The following ZNF251 variants were observed in gnomAD, a reference collection of about 807,000 sequenced individuals.
ZNF251 encodes the protein zinc finger protein 251.
In ZNF251, 14 loss-of-function variants were observed where a neutral mutation model predicts 13.5. That is an observed-to-expected ratio of 1.04 (90% CI 0.69 to 1.63). The LOEUF is 1.63. ZNF251 is among the 40% of genes most tolerant of loss of function. The pLI, the probability that ZNF251 is intolerant of heterozygous loss-of-function variation, is 0.00. For missense variants in ZNF251, 764 were observed against 834.9 expected, an observed-to-expected ratio of 0.92 and a Z score of 1.05; for synonymous variants, 287 against 295.2, an observed-to-expected ratio of 0.97 and a Z score of 0.28.
chr8:144,732,485 G>C (rs1389957879), intron 4 of ZNF251, among the ~76,000 whole-genome samples: 1 of 152,194 alleles, frequency 6.6e-6, no homozygotes, highest in Non-Finnish European at 1.5e-5. Flanking sequence ...ACGATTGACA[G>C]GTCATGGTAA....
At chr8:144,746,875 G>A (rs959605047) in intron 4 of ZNF251, among the ~76,000 whole-genome samples, 6 of 151,934 alleles carry the variant, frequency 3.9e-5, no homozygotes, top group African/African-American at 1.4e-4. Context: ...GTCTTAGTCT[G>A]GCTAAAGGTT....
intron 1 of ZNF251, 196 bp from the exon 2 acceptor site, chr8:144,754,999 A>T: frequency 7.2e-7 from 1 of 1,392,980 alleles, no homozygotes; most frequent in Non-Finnish European, 9.3e-7. Flanking sequence ...GGGGGGATCC[A>T]GGGACGCCCG....
chr8:144,754,067 A>C (rs1340368816), intron 3 of ZNF251, 125 bp downstream of exon 3: 2 of 1,348,064 alleles, frequency 1.5e-6, no homozygotes, highest in South Asian at 1.5e-5. Context: ...CCTTCTGTAG[A>C]GATCAGACTG....
At chr8:144,730,155 G>A (rs1430339518) in intron 4 of ZNF251, 2 of 977,426 alleles carry the variant, frequency 2.0e-6, no homozygotes, top group Non-Finnish European at 2.4e-6. Flanking sequence ...CAGGGAAGTG[G>A]AGAGCCATGT....
chr8:144,733,104 C>A (rs1055972747), intron 4 of ZNF251, among the ~76,000 whole-genome samples: 42 of 151,270 alleles, frequency 2.8e-4, no homozygotes, highest in African/African-American at 1.0e-3. Flanking sequence ...TGCCTGTAGT[C>A]CCAGGTACAC....
intron 4 of ZNF251, among the ~76,000 whole-genome samples, chr8:144,725,001 TTTTC>T (rs1393128943): frequency 2.8e-5 from 4 of 143,884 alleles, no homozygotes; most frequent in Admixed American, 1.4e-4. Flanking sequence ...CCACCACCTT[TTTTC>T]TTTCTTTCTT....
At chr8:144,724,308 C>T (rs1040365771) in intron 4 of ZNF251, among the ~76,000 whole-genome samples, 6 of 151,114 alleles carry the variant, frequency 4.0e-5, no homozygotes, top group African/African-American at 1.5e-4. Context: ...ACAATCATGC[C>T]GTGTACTGTT....
rs1356552303 is a variant in ZNF251, at chr8:144,722,271, G to A, written c.1389C>T (p.Cys463=). Reference sequence around the variant, plus strand: ...GGCTGAAAGCTTTCCCACATTCAACGCACTGGTAGGGCTTCTCCCCAGTGT... The same window carrying A: ...GGCTGAAAGCTTTCCCACATTCAACACACTGGTAGGGCTTCTCCCCAGTGT... ...RVHTGEKPYQ[C]VECGKAFSQS... Residue 463 remains cysteine, a synonymous_variant, in exon 5 of 5, where the codon TGC becomes TGT. Coordinates refer to ENST00000292562, the MANE Select transcript of ZNF251 (RefSeq NM_138367.2). This position sits in a 1 kb window ranked among gnomAD's most constrained non-coding sequence, Gnocchi z 4.8. 13 of 1,613,304 alleles carry A rather than the reference G, an allele frequency of 8.1e-6. No homozygotes were observed. Among genetic ancestry groups the A allele is most frequent in the African/African-American group, 2.7e-5 (2 of 74,692 alleles).
chr8:144,735,653 G>A (rs745698204), intron 4 of ZNF251, among the ~76,000 whole-genome samples: 25 of 152,262 alleles, frequency 1.6e-4, no homozygotes, highest in South Asian at 6.2e-4. Context: ...CCTCCGTGCC[G>A]TGGATACTCA....
intron 3 of ZNF251, 37 bp downstream of exon 3, chr8:144,754,155 C>G (rs776908872): frequency 1.3e-6 from 2 of 1,595,934 alleles, no homozygotes. Flanking sequence ...CCTCAGAGGC[C>G]CCCACTGCGA....
chr8:144,742,730 T>A (rs991694728), intron 4 of ZNF251, among the ~76,000 whole-genome samples: 1 of 152,196 alleles, frequency 6.6e-6, no homozygotes, highest in African/African-American at 2.4e-5. Context: ...TAGTGTTGCC[T>A]CATCCAGAAT....
At chr8:144,743,156 C>T (rs546946366) in intron 4 of ZNF251, among the ~76,000 whole-genome samples, 17 of 152,298 alleles carry the variant, frequency 1.1e-4, no homozygotes, top group East Asian at 7.7e-4. Flanking sequence ...CTCCGCCTCC[C>T]GGGTTCAAGT....
intron 4 of ZNF251, among the ~76,000 whole-genome samples, chr8:144,747,906 C>A (rs559842396): frequency 6.6e-6 from 1 of 151,858 alleles, no homozygotes; most frequent in South Asian, 2.1e-4. Context: ...GCCACCGTGT[C>A]CAGCTGGTTT....
intron 4 of ZNF251, among the ~76,000 whole-genome samples, chr8:144,740,925 C>T (rs1260974640): frequency 6.6e-6 from 1 of 151,682 alleles, no homozygotes; most frequent in Middle Eastern, 3.2e-3. Flanking sequence ...AAGAGCGAAA[C>T]TCCGTCTCAA....
intron 4 of ZNF251, among the ~76,000 whole-genome samples, chr8:144,729,615 C>A (rs1031354902): frequency 6.6e-6 from 1 of 152,074 alleles, no homozygotes; most frequent in African/African-American, 2.4e-5. Flanking sequence ...GGATCACAGG[C>A]GTGAGCTACC....
In ZNF251 at chr8:144,755,480, C is replaced by T. The variant is rs1045522912; in HGVS notation, c.-151G>A. 12 of 1,287,316 alleles carry T rather than the reference C, an allele frequency of 9.3e-6. No homozygotes were observed. The Admixed American group carries it at 1.6e-4, about 17-fold the overall frequency. The allele number at this position is 1,287,316 out of a possible 1,614,324, so 79.7% of individuals were successfully genotyped here. A position where few individuals can be genotyped will look rare whatever the true frequency, so the allele number is the denominator to read the frequency against. On this transcript the variant is annotated 5_prime_UTR_variant, in exon 1 of 5. Transcript: ENST00000292562. ...AGTCGCACCGAGCCCGGAACGGACC[C>T]TCCCACAGAACCGGGTCCAGAGCCG...
At chr8:144,745,255 T>C (rs1824368201) in intron 4 of ZNF251, among the ~76,000 whole-genome samples, 1 of 148,956 alleles carries the variant, frequency 6.7e-6, no homozygotes, top group Non-Finnish European at 1.5e-5. Context: ...GAAAAGATCA[T>C]CCTTTCTACA....
chr8:144,745,113 A>C (rs1447727897), intron 4 of ZNF251, among the ~76,000 whole-genome samples: 2 of 150,468 alleles, frequency 1.3e-5, no homozygotes, highest in African/African-American at 2.4e-5. Flanking sequence ...TGTTTTAAGC[A>C]CTCAGCTTGT....
At chr8:144,725,723 T>G (rs1463797425) in intron 4 of ZNF251, among the ~76,000 whole-genome samples, 3 of 152,210 alleles carry the variant, frequency 2.0e-5, no homozygotes, top group Non-Finnish European at 4.4e-5. Context: ...GCTCCAACAG[T>G]GTATGTGAGG....
Sources: gnomAD v4.1 joint callset for allele counts (sites outside exome capture counted in the v4.1 genomes callset) on GRCh38, gnomAD v4.1.1 for gene constraint, Gnocchi (gnomAD v3.1) non-coding constraint, MANE v1.5 for transcripts, NCBI Gene and HGNC (gene_info 2026-07-23, HGNC 2026-07-21) for gene names.